VIT: variants seen among roughly 807,000 people sequenced by gnomAD.
VIT encodes the protein vitrin.
VIT carries 99 observed loss-of-function variants against 78.0 expected under a neutral mutation model. The observed-to-expected ratio is 1.27, with a 90% CI of 1.08 to 1.50. The LOEUF (loss-of-function observed/expected upper bound fraction) is 1.50. Among genes scored for constraint, VIT ranks in the 40% most tolerant of loss-of-function variants. The probability of loss-of-function intolerance (pLI) is 0.00; values close to 1 mark genes in which losing one functional copy is unlikely to be tolerated. For missense variants in VIT, 1,126 were observed against 875.3 expected (o/e 1.29, Z -3.61); for synonymous variants, 374 against 334.3 (o/e 1.12, Z -1.29).
In VIT at chr2:36,743,143, C is replaced by G; in HGVS notation, c.162C>G (p.Ile54Met). The change falls in exon 4 of 16, where the codon ATC becomes ATG. Residue 54 changes from isoleucine (I) to methionine (M), a missense_variant. Physicochemically the swap from Ile to Met is conservative, Grantham distance 10. Coordinates refer to ENST00000379242, the MANE Select transcript of VIT (RefSeq NM_053276.4). ...GCGATGTCAAAGCCGGAAAGATCAT[C>G]GATCCTGAGTTCATTGTGAAATGTC... ...INCDVKAGKI[I>M]DPEFIVKCPA... 6.2e-7 allele frequency: 1 copy of G among 1,614,068 alleles called. No individual in the cohort carries two copies. The highest frequency in any genetic ancestry group is 8.5e-7 in the Non-Finnish European group (1 of 1,179,960).
At chr2:36,782,322 C>T (rs866499368) in intron 10 of VIT, among the ~76,000 whole-genome samples, 12 of 152,278 alleles carry the variant, frequency 7.9e-5, no homozygotes, top group Middle Eastern at 3.4e-3. Context: ...GGCGTTTCCA[C>T]GACAGGCTCC....
At chr2:36,776,278 G>A (rs1204220790) in intron 9 of VIT, among the ~76,000 whole-genome samples, 2 of 152,114 alleles carry the variant, frequency 1.3e-5, no homozygotes, top group African/African-American at 4.8e-5. Flanking sequence ...TCCCTTCTCT[G>A]ACTACATGTT....
chr2:36,708,340 C>T (rs1357960532), intron 1 of VIT, among the ~76,000 whole-genome samples: 1 of 152,168 alleles, frequency 6.6e-6, no homozygotes, highest in Non-Finnish European at 1.5e-5. Flanking sequence ...GATACTGGCT[C>T]TTTCTACCTC....
At chr2:36,736,600 T>A (rs367614920) in intron 3 of VIT, among the ~76,000 whole-genome samples, 1 of 152,182 alleles carries the variant, frequency 6.6e-6, no homozygotes, top group Admixed American at 6.5e-5. Flanking sequence ...ATGGGAGCCA[T>A]TGATGATTCC....
intron 4 of VIT, among the ~76,000 whole-genome samples, chr2:36,750,004 C>A (rs1404835639): frequency 6.6e-6 from 1 of 152,130 alleles, no homozygotes; most frequent in African/African-American, 2.4e-5. Context: ...CCCATTACTG[C>A]AGAGGGACGA....
chr2:36,737,353 GC>G (rs1174053234), intron 3 of VIT, among the ~76,000 whole-genome samples: 1 of 152,140 alleles, frequency 6.6e-6, no homozygotes, highest in Non-Finnish European at 1.5e-5. Context: ...AATCTGAGAA[GC>G]TTTTTTTCTT....
At chr2:36,765,415 G>A (rs1203844831) in intron 6 of VIT, among the ~76,000 whole-genome samples, 3 of 5,558 alleles carry the variant, frequency 5.4e-4, no homozygotes, top group Non-Finnish European at 5.3e-3. Context: ...GGCAGCAGGC[G>A]AGAGAGAGAG....
intron 9 of VIT, among the ~76,000 whole-genome samples, chr2:36,777,681 G>A (rs192446585): frequency 2.5e-4 from 38 of 152,238 alleles, no homozygotes; most frequent in Admixed American, 1.2e-3. Flanking sequence ...ATCCTGTCTA[G>A]ACACAATCGA....
At chr2:36,713,597 G>A (rs146138895) in intron 1 of VIT, among the ~76,000 whole-genome samples, 2 of 152,290 alleles carry the variant, frequency 1.3e-5, no homozygotes, top group East Asian at 3.9e-4. Context: ...GCCTAGTTAT[G>A]AGGCTAATTG....
chr2:36,759,473 T>G (rs998503493), intron 6 of VIT: 11 of 1,198,930 alleles, frequency 9.2e-6, no homozygotes, highest in Non-Finnish European at 1.1e-5. Context: ...CTCATCCAAA[T>G]AACCCAGGCC....
chr2:36,763,992 G>C (rs1414796885), intron 6 of VIT, among the ~76,000 whole-genome samples: 4 of 152,222 alleles, frequency 2.6e-5, no homozygotes, highest in Admixed American at 2.6e-4. Flanking sequence ...GAAAGCATCT[G>C]CATTATGAGC....
chr2:36,799,556 A>G (rs952870606), intron 12 of VIT, among the ~76,000 whole-genome samples: 2 of 152,096 alleles, frequency 1.3e-5, no homozygotes, highest in Non-Finnish European at 2.9e-5. Flanking sequence ...TGTCTTTACA[A>G]AAAATGAAAA....
At chr2:36,733,575 G>A (rs1179271743) in intron 3 of VIT, among the ~76,000 whole-genome samples, 1 of 152,234 alleles carries the variant, frequency 6.6e-6, no homozygotes, top group African/African-American at 2.4e-5. Context: ...AGAGAGAAGA[G>A]AGAGAACACA....
intron 11 of VIT, among the ~76,000 whole-genome samples, chr2:36,785,222 A>T (rs912857369): frequency 6.6e-6 from 1 of 152,216 alleles, no homozygotes; most frequent in Non-Finnish European, 1.5e-5. Context: ...CCACCTCAGG[A>T]TTACTTCTCC....
chr2:36,795,359 TA>T (rs1264682812), intron 12 of VIT, among the ~76,000 whole-genome samples: 115 of 83,170 alleles, frequency 1.4e-3, no homozygotes, highest in East Asian at 5.8e-3. Context: ...TATTTTATTT[TA>T]TTTTATTTAT....
At chr2:36,805,308 GAAAAAA>G (rs567911067) in intron 13 of VIT, 124 bp from the exon 14 acceptor site, 11 of 585,204 alleles carry the variant, frequency 1.9e-5, no homozygotes, top group East Asian at 9.5e-5. Flanking sequence ...TGTCTCAAAG[GAAAAAA>G]AAAAAAAAAA....
intron 1 of VIT, among the ~76,000 whole-genome samples, chr2:36,698,439 T>C (rs1217809804): frequency 1.3e-5 from 2 of 152,234 alleles, no homozygotes; most frequent in Non-Finnish European, 2.9e-5. Context: ...TATGGTTCAA[T>C]GCATGCGCCA....
intron 14 of VIT, among the ~76,000 whole-genome samples, chr2:36,806,551 T>C (rs1666740556): frequency 6.6e-6 from 1 of 151,992 alleles, no homozygotes; most frequent in Non-Finnish European, 1.5e-5. Context: ...CCTTTATCTC[T>C]TTTTTTCTTT....
intron 7 of VIT, among the ~76,000 whole-genome samples, chr2:36,771,825 A>C (rs1021563190): frequency 2.0e-5 from 3 of 152,194 alleles, no homozygotes; most frequent in Non-Finnish European, 2.9e-5. Context: ...CAGGTAGTAA[A>C]ATGTTGAGAA....
Sources: gnomAD v4.1 joint callset for allele counts (sites outside exome capture counted in the v4.1 genomes callset) on GRCh38, gnomAD v4.1.1 for gene constraint, MANE v1.5 for transcripts, NCBI Gene and HGNC (gene_info 2026-07-23, HGNC 2026-07-21) for gene names.